Variants in CHRNB3 observed in about 807,000 individuals in gnomAD.
CHRNB3 encodes cholinergic receptor nicotinic beta 3 subunit, also known as neuronal acetylcholine receptor subunit beta-3.
CHRNB3 carries 37 observed loss-of-function variants against 40.6 expected under a neutral mutation model. That is an observed-to-expected ratio of 0.91 (90% CI 0.70 to 1.20). CHRNB3 has a LOEUF of 1.20. CHRNB3 is among the 50% of genes most tolerant of loss of function. The pLI, the probability that CHRNB3 is intolerant of heterozygous loss-of-function variation, is 0.00. For synonymous variants in CHRNB3, 207 were observed against 207.1 expected (o/e 1.00, Z 0.00); for missense variants, 505 against 551.2 (o/e 0.92, Z 0.84).
chr8:42,731,263 T>G (rs1044884549), intron 4 of CHRNB3, among the ~76,000 whole-genome samples: 1 of 151,394 alleles, frequency 6.6e-6, no homozygotes, highest in Non-Finnish European at 1.5e-5. Context: ...GGTAGAAAAG[T>G]CCTAAAATAG....
rs374032164 is a variant in CHRNB3, at chr8:42,730,678, C to T, written c.334C>T (p.Leu112Phe). Reference sequence around the variant, plus strand: ...TAAAGTTCCATCAGAATCTCTGTGGCTTCCTGACATAGTTCTCTTTGAAAA... The same window carrying T: ...TAAAGTTCCATCAGAATCTCTGTGGTTTCCTGACATAGTTCTCTTTGAAAA... ...SIKVPSESLW[L>F]PDIVLFENAD... Residue 112 changes from leucine (L) to phenylalanine (F), a missense_variant, in exon 4 of 6, where the codon CTT becomes TTT. Coordinates refer to ENST00000289957, the MANE Select transcript of CHRNB3 (RefSeq NM_000749.5). 9 of 1,602,194 alleles carry T rather than the reference C, an allele frequency of 5.6e-6. No homozygotes were observed. Among genetic ancestry groups the T allele is most frequent in the Non-Finnish European group, 3.4e-6 (4 of 1,170,506 alleles).
chr8:42,705,712 T>G (rs1815910141), intron 1 of CHRNB3: 1 of 152,280 alleles, frequency 6.6e-6, no homozygotes, highest in Non-Finnish European at 1.5e-5. Flanking sequence ...TCAAACAATA[T>G]TCTCTGCCTT....
At chr8:42,725,821 T>C in intron 3 of CHRNB3, 2 of 840,542 alleles carry the variant, frequency 2.4e-6, no homozygotes, top group Non-Finnish European at 4.1e-6. Context: ...CTAGGTCACA[T>C]AAGTTTCCAC....
Position 42,731,759 on chromosome 8 carries a change from G to A in CHRNB3, c.452G>A (p.Ser151Asn). Residue 151 changes from serine to asparagine, a missense_variant, in exon 5 of 6, where the codon AGC becomes AAC. By Grantham distance (46) the Ser-to-Asn change is conservative. Transcript: ENST00000289957. Reference protein sequence around the residue: ...VVWTPPASYKSSCTMDVTFFP... With the variant: ...VVWTPPASYKNSCTMDVTFFP... The stretch of plus-strand genomic sequence containing the variant: ...TGGACCCCTCCCGCCAGCTACAAAA[G>A]CTCCTGCACCATGGACGTCACGTTT... 2.5e-6 allele frequency: 4 copies of A among 1,614,074 alleles called. No homozygotes were observed. Among genetic ancestry groups the A allele is most frequent in the Non-Finnish European group, 3.4e-6 (4 of 1,180,034 alleles).
chr8:42,701,922 T>C (rs1404059667), intron 1 of CHRNB3, among the ~76,000 whole-genome samples: 1 of 152,240 alleles, frequency 6.6e-6, no homozygotes, highest in African/African-American at 2.4e-5. Context: ...GCTGGAGGCC[T>C]CAGCCATCAC....
chr8:42,735,309 G>A (rs560532590), intron 5 of CHRNB3, among the ~76,000 whole-genome samples: 72 of 152,184 alleles, frequency 4.7e-4, no homozygotes, highest in African/African-American at 1.5e-3. Context: ...AGGCCGAGGC[G>A]GGTGGATCAC....
In CHRNB3 at chr8:42,728,132, A is replaced by C. The variant is rs547050130; in HGVS notation, c.250-2462A>C. On this transcript the variant is annotated intron_variant, in intron 3 of 5. Transcript: ENST00000289957. ...CTAAAAACTCAGTAAGAAAACAAAC[A>C]ACTTGATTAAACATTATGCACTTCA... Among the ~76,000 whole-genome samples the C allele has an allele frequency of 7.2e-5, 11 of 152,314 alleles. No individual in the cohort carries two copies. The East Asian group carries it at 2.1e-3, about 29-fold the overall frequency.
chr8:42,708,756 C>A lies in CHRNB3; in HGVS notation c.92C>A (p.Ala31Asp), dbSNP rs1334592295. Residue 31 changes from alanine to aspartate, a missense_variant, in exon 2 of 6, where the codon GCC (alanine) becomes GAC (aspartate). Coordinates refer to ENST00000289957, the MANE Select transcript of CHRNB3 (RefSeq NM_000749.5). The stretch of plus-strand genomic sequence containing the variant: ...AACTCAATCGCCGAAAATGAAGATG[C>A]CCTCCTCAGACATTTGTTCCAAGGT... ...GFNSIAENEDALLRHLFQGYQ... is the reference protein window; with the variant it reads ...GFNSIAENEDDLLRHLFQGYQ... The A allele has an allele frequency of 1.2e-6, 2 of 1,613,964 alleles. No individual in the cohort carries two copies. Among genetic ancestry groups the A allele is most frequent in the Admixed American group, 3.3e-5 (2 of 59,984 alleles).
chr8:42,731,643 A>G, intron 4 of CHRNB3, 24 bp from the exon 5 acceptor site: 1 of 1,563,444 alleles, frequency 6.4e-7, no homozygotes, highest in South Asian at 1.2e-5. Context: ...ACCGACTGCT[A>G]AGGTGAAACT....
intron 1 of CHRNB3, among the ~76,000 whole-genome samples, chr8:42,704,921 A>G (rs1815895738): frequency 6.6e-6 from 1 of 152,232 alleles, no homozygotes; most frequent in Non-Finnish European, 1.5e-5. Flanking sequence ...GCTTAACCAA[A>G]TAGGAGATTG....
chr8:42,713,115 A>T (rs1816046854), intron 3 of CHRNB3, among the ~76,000 whole-genome samples: 1 of 152,046 alleles, frequency 6.6e-6, no homozygotes, highest in Non-Finnish European at 1.5e-5. Flanking sequence ...TGCTGGGATT[A>T]CAGGCATGAG....
Position 42,718,834 on chromosome 8 carries a change from C to T in CHRNB3, c.249+8400C>T, listed in dbSNP as rs77711198. Among the ~76,000 whole-genome samples, 575 of 151,982 alleles carry T rather than the reference C, an allele frequency of 3.8e-3. 6 individuals carry two copies. Among genetic ancestry groups the T allele is most frequent in the African/African-American group, 0.013 (540 of 41,402 alleles). ...TTCAGGTAATACATCTAAGAAAAGA[C>T]AATTTTAAGGGATTATATATATTTG... is the stretch of plus-strand genomic sequence containing the variant. On this transcript the variant is annotated intron_variant, in intron 3 of 5. Transcript: ENST00000289957.
chr8:42,697,673 G>A (rs1172346950), intron 1 of CHRNB3, 75 bp downstream of exon 1: 2 of 1,088,276 alleles, frequency 1.8e-6, no homozygotes, highest in Non-Finnish European at 2.8e-6. Flanking sequence ...CTATGGTGTT[G>A]ATAATGTTAG....
chr8:42,699,616 C>T (rs1165481401), intron 1 of CHRNB3: 2 of 152,042 alleles, frequency 1.3e-5, no homozygotes, highest in East Asian at 3.9e-4. Context: ...AAAAATTAGC[C>T]AGGCGTGGTG....
At chr8:42,708,275 GC>G (rs771211693) in intron 1 of CHRNB3, among the ~76,000 whole-genome samples, 3 of 152,164 alleles carry the variant, frequency 2.0e-5, no homozygotes, top group Non-Finnish European at 4.4e-5. Flanking sequence ...GACCATCCTG[GC>G]TAACATGAGG....
intron 3 of CHRNB3, among the ~76,000 whole-genome samples, chr8:42,718,417 T>C (rs1433737456): frequency 6.6e-6 from 1 of 152,120 alleles, no homozygotes; most frequent in African/African-American, 2.4e-5. Flanking sequence ...CTCACACCTG[T>C]AATCCCAGCA....
Position 42,697,493 on chromosome 8 carries a change from G to T in CHRNB3, c.-54G>T. On this transcript the variant is annotated 5_prime_UTR_variant, in exon 1 of 6. Coordinates refer to ENST00000289957, the MANE Select transcript of CHRNB3 (RefSeq NM_000749.5). ...CTTTTCAAAACCCCCTTTTCCAGTG[G>T]AAATGCTCTGTTGTTAAAAAGGAAG... is the stretch of plus-strand genomic sequence containing the variant. The T allele has an allele frequency of 6.6e-7, 1 of 1,510,282 alleles. No individual in the cohort carries two copies. The allele number at this position is 1,510,282 out of a possible 1,614,324, so 93.6% of individuals were successfully genotyped here.
chr8:42,702,810 A>G (rs888831408), intron 1 of CHRNB3, among the ~76,000 whole-genome samples: 3 of 152,256 alleles, frequency 2.0e-5, no homozygotes, highest in African/African-American at 7.2e-5. Flanking sequence ...ATTGCTCTAA[A>G]TAACAGTAAA....
At chr8:42,704,894 T>A (rs79546119) in intron 1 of CHRNB3, among the ~76,000 whole-genome samples, 1,683 of 152,302 alleles carry the variant, frequency 0.011, 34 homozygotes, top group African/African-American at 0.039. Flanking sequence ...TTCAGATGCC[T>A]GTCAGTGGCT....
Sources: gnomAD v4.1 joint callset for allele counts (sites outside exome capture counted in the v4.1 genomes callset) on GRCh38, gnomAD v4.1.1 for gene constraint, MANE v1.5 for transcripts, NCBI Gene and HGNC (gene_info 2026-07-23, HGNC 2026-07-21) for gene names.